Variants in SCAPER observed in about 807,000 individuals in gnomAD.
SCAPER encodes the protein S-phase cyclin A associated protein in the ER.
Under a neutral mutation model 182.2 loss-of-function variants are expected in SCAPER, and 98 were observed. The ratio of observed to expected loss-of-function variants is 0.54; its 90% CI spans 0.46 to 0.64. SCAPER has a LOEUF of 0.64. Ranked by LOEUF, SCAPER falls within the 30% of genes least tolerant of loss-of-function variation. The pLI is 0.00. For missense variants in SCAPER, 1,432 were observed against 1,690.0 expected (o/e 0.85, Z 2.68); for synonymous variants, 605 against 564.6 (o/e 1.07, Z -1.01).
intron 25 of SCAPER, among the ~76,000 whole-genome samples, chr15:76,462,461 C>T (rs970632631): frequency 2.0e-5 from 3 of 152,242 alleles, no homozygotes; most frequent in African/African-American, 4.8e-5. Flanking sequence ...AATTCTTATA[C>T]ATCTTCCATA....
chr15:76,398,037 T>A (rs1421568674), intron 27 of SCAPER, among the ~76,000 whole-genome samples: 1 of 152,204 alleles, frequency 6.6e-6, no homozygotes, highest in African/African-American at 2.4e-5. Context: ...CATATATATC[T>A]CAAAGTTCAG....
At chr15:76,759,398 C>T (rs1437192572) in intron 14 of SCAPER, among the ~76,000 whole-genome samples, 4 of 152,148 alleles carry the variant, frequency 2.6e-5, no homozygotes, top group East Asian at 1.9e-4. Context: ...CAAAGGGTGG[C>T]ATGGGCACTA....
intron 21 of SCAPER, among the ~76,000 whole-genome samples, chr15:76,643,175 C>T (rs1298153473): frequency 6.6e-6 from 1 of 152,166 alleles, no homozygotes; most frequent in Non-Finnish European, 1.5e-5. Flanking sequence ...CTGTCTCCCT[C>T]CCTCACATCA....
chr15:76,871,209 A>C (rs1595855852), intron 2 of SCAPER, among the ~76,000 whole-genome samples: 1 of 152,014 alleles, frequency 6.6e-6, no homozygotes, highest in Non-Finnish European at 1.5e-5. Context: ...GGAGGTTGAG[A>C]CCATCCTGGC....
At chr15:76,483,762 A>C (rs991617836) in intron 24 of SCAPER, among the ~76,000 whole-genome samples, 1 of 152,194 alleles carries the variant, frequency 6.6e-6, no homozygotes, top group African/African-American at 2.4e-5. Flanking sequence ...TCAATGCTAC[A>C]TGTCATTGAA....
At chr15:76,746,410 A>G (rs1387027704) in intron 15 of SCAPER, among the ~76,000 whole-genome samples, 1 of 146,436 alleles carries the variant, frequency 6.8e-6, no homozygotes, top group Non-Finnish European at 1.6e-5. Context: ...TGAAAACTCT[A>G]CACTTAACAT....
intron 17 of SCAPER, among the ~76,000 whole-genome samples, chr15:76,720,692 C>A (rs183488206): frequency 7.7e-4 from 118 of 152,296 alleles, no homozygotes; most frequent in Non-Finnish European, 5.9e-5. Context: ...ATGATGAGCA[C>A]TTTTTCATGT....
At chr15:76,631,611 C>A (rs1250625981) in intron 21 of SCAPER, among the ~76,000 whole-genome samples, 1 of 152,178 alleles carries the variant, frequency 6.6e-6, no homozygotes, top group South Asian at 2.1e-4. Context: ...TGAATACTGA[C>A]CCCCAATCTT....
At chr15:76,842,093 C>A (rs2069533432) in intron 4 of SCAPER, among the ~76,000 whole-genome samples, 162 bp from the exon 5 acceptor site, 1 of 152,098 alleles carries the variant, frequency 6.6e-6, no homozygotes, top group African/African-American at 2.4e-5. Flanking sequence ...ATTCTCTAAA[C>A]AATACAGTAT....
At chr15:76,722,980 G>T (rs1474456825) in intron 17 of SCAPER, among the ~76,000 whole-genome samples, 1 of 152,064 alleles carries the variant, frequency 6.6e-6, no homozygotes, top group Non-Finnish European at 1.5e-5. Flanking sequence ...GCTTTTGAAT[G>T]TGTTTGCTCT....
chr15:76,767,119 A>C, intron 10 of SCAPER, 31 bp from the exon 11 acceptor site: 5 of 1,518,992 alleles, frequency 3.3e-6, no homozygotes, highest in Non-Finnish European at 4.4e-6. Flanking sequence ...AAACAAAAAG[A>C]AAAATGATCA....
chr15:76,696,562 CAT>C (rs1260003425), intron 20 of SCAPER, among the ~76,000 whole-genome samples: 4 of 151,832 alleles, frequency 2.6e-5, no homozygotes, highest in South Asian at 2.1e-4. Context: ...ATCTCACAAA[CAT>C]AGAAATATAT....
In SCAPER at chr15:76,841,928, T is replaced by C; in HGVS notation, c.199A>G (p.Thr67Ala). The change falls in exon 5 of 32, where the codon ACT (threonine) becomes GCT (alanine). Residue 67 changes from threonine (T) to alanine (A), a missense_variant. Physicochemically the swap from Thr to Ala is moderately conservative, Grantham distance 58. Around this residue, in one of 5 missense-constraint regions of SCAPER, gnomAD observed 480 missense variants for 510.2 expected, o/e 0.94. Coordinates refer to ENST00000563290, the MANE Select transcript of SCAPER (RefSeq NM_020843.4). ...GATGTTATTTTACAGTCCACTGCAG[T>C]ACTCTGGTGAAGTAAAATAAAACAT... ...QGTHKTTKQS[T>A]AVDCKITSST... 1 of 1,608,734 alleles carries C rather than the reference T, an allele frequency of 6.2e-7. No homozygotes were observed. The highest frequency in any genetic ancestry group is 8.5e-7 in the Non-Finnish European group (1 of 1,178,034).
At chr15:76,625,482 T>C (rs917521017) in intron 21 of SCAPER, among the ~76,000 whole-genome samples, 1 of 152,094 alleles carries the variant, frequency 6.6e-6, no homozygotes, top group Non-Finnish European at 1.5e-5. Context: ...TGACAATGGC[T>C]CTCACTTCAT....
intron 24 of SCAPER, among the ~76,000 whole-genome samples, chr15:76,480,697 T>C (rs946757266): frequency 8.5e-5 from 13 of 152,200 alleles, no homozygotes; most frequent in Non-Finnish European, 1.8e-4. Flanking sequence ...AACTGTGGAA[T>C]ATCTTAATAC....
At chr15:76,442,605 A>G (rs557509131) in intron 25 of SCAPER, among the ~76,000 whole-genome samples, 4 of 152,328 alleles carry the variant, frequency 2.6e-5, no homozygotes, top group African/African-American at 7.2e-5. Flanking sequence ...GTAAGATGGC[A>G]AGCTAGGTCC....
At chr15:76,456,204 C>G (rs1273808328) in intron 25 of SCAPER, among the ~76,000 whole-genome samples, 7 of 152,152 alleles carry the variant, frequency 4.6e-5, no homozygotes, top group Non-Finnish European at 8.8e-5. Flanking sequence ...ATTGCTGGGT[C>G]AAATGATATT....
chr15:76,364,447 T>C (rs1196105726), intron 29 of SCAPER, among the ~76,000 whole-genome samples: 2 of 152,176 alleles, frequency 1.3e-5, no homozygotes, highest in South Asian at 2.1e-4. Flanking sequence ...TTGCCTTTTA[T>C]AGGCTTTGGA....
chr15:76,766,154 T>A (rs1171964591), intron 11 of SCAPER, among the ~76,000 whole-genome samples: 2 of 152,114 alleles, frequency 1.3e-5, no homozygotes, highest in African/African-American at 2.4e-5. Flanking sequence ...TGGAGTGCAG[T>A]GGCACGATCT....
Sources: gnomAD v4.1 joint callset for allele counts (sites outside exome capture counted in the v4.1 genomes callset) on GRCh38, gnomAD v4.1.1 for gene constraint, gnomAD v4.1.1 regional missense constraint, MANE v1.5 for transcripts, NCBI Gene and HGNC (gene_info 2026-07-23, HGNC 2026-07-21) for gene names.